The following DPP10 variants were observed in gnomAD, a reference collection of about 807,000 sequenced individuals.
The protein encoded by DPP10 is dipeptidyl peptidase like 10.
A neutral mutation model predicts 120.9 loss-of-function variants in DPP10; 33 were observed. That is an observed-to-expected ratio of 0.27 (90% confidence interval 0.21 to 0.37). DPP10 has a LOEUF of 0.37. DPP10 is among the 10% of genes least tolerant of loss of function. The pLI is 1.00. For missense variants in DPP10, 816 were observed against 942.8 expected, an observed-to-expected ratio of 0.87 and a Z score of 1.76; for synonymous variants, 337 against 326.1, an observed-to-expected ratio of 1.03 and a Z score of -0.36.
intron 1 of DPP10, among the ~76,000 whole-genome samples, chr2:115,282,189 G>A (rs1017672720): frequency 1.3e-5 from 2 of 151,934 alleles, no homozygotes; most frequent in Admixed American, 1.3e-4. Context: ...TTAAATAACA[G>A]AATTTAAGAA....
intron 7 of DPP10, among the ~76,000 whole-genome samples, chr2:115,704,562 G>T (rs191102676): frequency 4.6e-5 from 7 of 151,688 alleles, no homozygotes; most frequent in African/African-American, 1.7e-4. Context: ...TAAATTTCTG[G>T]TTGCTTTGAG....
At chr2:114,718,400 G>GGA (rs574073049) in intron 1 of DPP10, among the ~76,000 whole-genome samples, 4 of 81,180 alleles carry the variant, frequency 4.9e-5, no homozygotes, top group African/African-American at 1.8e-4. Flanking sequence ...GACTCTGTTT[G>GGA]AAAAAAAAAA....
chr2:114,450,200 A>G (rs1678182038), intron 1 of DPP10, among the ~76,000 whole-genome samples: 1 of 152,014 alleles, frequency 6.6e-6, no homozygotes, highest in Non-Finnish European at 1.5e-5. Context: ...CATCCCCCAA[A>G]CCCCAAAAAT....
intron 1 of DPP10, among the ~76,000 whole-genome samples, chr2:115,114,096 C>T (rs955263732): frequency 6.6e-6 from 1 of 152,172 alleles, no homozygotes; most frequent in Non-Finnish European, 1.5e-5. Context: ...TGCCCACCAC[C>T]ATTGCTCACC....
At chr2:115,561,556 C>T (rs1158802210) in intron 5 of DPP10, among the ~76,000 whole-genome samples, 1 of 151,888 alleles carries the variant, frequency 6.6e-6, no homozygotes, top group African/African-American at 2.4e-5. Context: ...TACTTTAGCA[C>T]AAGAGGCCTG....
Position 114,950,036 on chromosome 2 carries a change from T to TA in DPP10, c.61-359196dup, listed in dbSNP as rs1326529564. Among the ~76,000 whole-genome samples the TA allele has an allele frequency of 5.3e-5, 8 of 152,284 alleles. No homozygotes were observed. In the East Asian group the frequency reaches 1.5e-3, roughly 29 times the overall value. On this transcript the variant is annotated intron_variant, in intron 1 of 25. Coordinates refer to ENST00000410059, the MANE Select transcript of DPP10 (RefSeq NM_020868.6). Reference sequence around the variant, plus strand: ...GTCTAATGTGACTTAAAAAAATTCTTAAAAAAACTGTTGAATAATATGATT... The same window carrying TA: ...GTCTAATGTGACTTAAAAAAATTCTTAAAAAAAACTGTTGAATAATATGATT...
intron 1 of DPP10, among the ~76,000 whole-genome samples, chr2:114,457,013 T>A (rs1678620012): frequency 6.6e-6 from 1 of 152,186 alleles, no homozygotes. Context: ...CTGATCTAAC[T>A]CCATCTAGTG....
intron 1 of DPP10, among the ~76,000 whole-genome samples, chr2:115,114,474 G>T (rs2049395991): frequency 6.6e-6 from 1 of 152,076 alleles, no homozygotes; most frequent in Non-Finnish European, 1.5e-5. Context: ...TATTAATGAA[G>T]AAAAAATTCT....
At chr2:114,530,195 T>C (rs1411648894) in intron 1 of DPP10, among the ~76,000 whole-genome samples, 1 of 152,182 alleles carries the variant, frequency 6.6e-6, no homozygotes, top group Non-Finnish European at 1.5e-5. Context: ...TTACATAGAA[T>C]TGTTTCATTG....
At chr2:114,548,902 T>C (rs1286505133) in intron 1 of DPP10, among the ~76,000 whole-genome samples, 3 of 152,284 alleles carry the variant, frequency 2.0e-5, no homozygotes, top group Non-Finnish European at 4.4e-5. Context: ...ACCATCTTAT[T>C]TAGTTCCAGT....
chr2:115,276,371 G>A (rs2059922653), intron 1 of DPP10, among the ~76,000 whole-genome samples: 1 of 152,066 alleles, frequency 6.6e-6, no homozygotes, highest in Non-Finnish European at 1.5e-5. Flanking sequence ...TTTCTGACAA[G>A]CAGAAAACAC....
At chr2:115,834,100 C>T (rs866971565) in intron 21 of DPP10, among the ~76,000 whole-genome samples, 4 of 152,140 alleles carry the variant, frequency 2.6e-5, no homozygotes, top group South Asian at 2.1e-4. Context: ...AGTTACTAAT[C>T]GTTAAAGCTT....
intron 1 of DPP10, among the ~76,000 whole-genome samples, chr2:114,826,682 C>A (rs891103641): frequency 4.6e-5 from 7 of 152,154 alleles, no homozygotes; most frequent in Non-Finnish European, 8.8e-5. Flanking sequence ...AGGAGCATAA[C>A]CCCATGCCTG....
chr2:115,630,342 T>C (rs2085743354), intron 5 of DPP10, among the ~76,000 whole-genome samples: 1 of 152,158 alleles, frequency 6.6e-6, no homozygotes, highest in South Asian at 2.1e-4. Context: ...TAGGATCATG[T>C]CATCTGCAAA....
chr2:115,243,697 A>C (rs537058060), intron 1 of DPP10, among the ~76,000 whole-genome samples: 2 of 152,198 alleles, frequency 1.3e-5, no homozygotes, highest in East Asian at 3.9e-4. Context: ...GACTCATACA[A>C]ATCTGTATCA....
At chr2:115,048,764 A>G (rs1949053) in intron 1 of DPP10, among the ~76,000 whole-genome samples, 147,320 of 152,194 alleles carry the variant, frequency 0.97, 71,504 homozygotes, top group Middle Eastern at 1. Flanking sequence ...ACCAGCATGT[A>G]TTGATCTTAG....
intron 1 of DPP10, among the ~76,000 whole-genome samples, chr2:114,774,569 A>G (rs961326795): frequency 6.7e-6 from 1 of 150,268 alleles, no homozygotes; most frequent in African/African-American, 2.4e-5. Context: ...CTTTCATAAA[A>G]TATTTAATAT....
chr2:114,896,124 T>A (rs1692955901), intron 1 of DPP10, among the ~76,000 whole-genome samples: 1 of 152,224 alleles, frequency 6.6e-6, no homozygotes, highest in Non-Finnish European at 1.5e-5. Context: ...CCATGCTGTT[T>A]TGGTTACTGT....
intron 3 of DPP10, among the ~76,000 whole-genome samples, chr2:115,381,732 G>T (rs554529743): frequency 6.6e-5 from 10 of 152,088 alleles, no homozygotes; most frequent in Admixed American, 1.3e-4. Flanking sequence ...TGGGTTTTTG[G>T]TGTGGATGTC....
Sources: allele counts gnomAD v4.1 joint callset (sites outside exome capture counted in the v4.1 genomes callset), GRCh38; gene constraint gnomAD v4.1.1; transcripts MANE v1.5; gene names NCBI Gene and HGNC (gene_info 2026-07-23, HGNC 2026-07-21).